Variants in EPHB1 observed in about 807,000 individuals in gnomAD.
EPHB1 encodes ephrin type-B receptor 1.
Under a neutral mutation model 94.4 loss-of-function variants are expected in EPHB1, and 30 were observed. The observed-to-expected ratio is 0.32, with a 90% CI of 0.24 to 0.43. EPHB1 has a LOEUF of 0.43. Ranked by LOEUF, EPHB1 falls within the 20% of genes least tolerant of loss-of-function variation. The pLI is 1.00. For synonymous variants in EPHB1, 522 were observed against 489.1 expected, an observed-to-expected ratio of 1.07 and a Z score of -0.89; for missense variants, 1,055 against 1,308.3, an observed-to-expected ratio of 0.81 and a Z score of 2.99.
At position 135,201,582 on chromosome 3, in the gene EPHB1, G is replaced by T. The variant is rs1942758193; in HGVS notation, c.2239G>T (p.Ala747Ser). Residue 747 changes from alanine to serine, a missense_variant, in exon 12 of 16, where the codon GCT becomes TCT. By Grantham distance (99) the Ala-to-Ser change is moderately conservative. Transcript: ENST00000398015. Reference sequence around the variant, plus strand: ...GAATTATGTGCATCGGGACCTGGCTGCTAGGAACATTCTGGTCAACAGTAA... The same window carrying T: ...GAATTATGTGCATCGGGACCTGGCTTCTAGGAACATTCTGGTCAACAGTAA... ...EMNYVHRDLA[A>S]RNILVNSNLV... 1 of 1,614,114 alleles carries T rather than the reference G, an allele frequency of 6.2e-7. No individual in the cohort carries two copies. Among genetic ancestry groups the T allele is most frequent in the Non-Finnish European group, 8.5e-7 (1 of 1,180,024 alleles).
At chr3:135,037,566 G>C (rs1936686685) in intron 3 of EPHB1, among the ~76,000 whole-genome samples, 1 of 152,174 alleles carries the variant, frequency 6.6e-6, no homozygotes, top group Non-Finnish European at 1.5e-5. Flanking sequence ...AGAGAGTTTA[G>C]GTGACTTGCC....
rs1300436772 is a variant in EPHB1 at position 134,869,769 on chromosome 3, T to G, written c.59-56047T>G. 2.6e-5 allele frequency among the ~76,000 whole-genome samples: 4 copies of G among 152,378 alleles called. No homozygotes were observed. The East Asian group carries it at 7.7e-4, about 29-fold the overall frequency. The stretch of plus-strand genomic sequence containing the variant: ...CAGTTTTTTTTTAGCAACTTGCATT[T>G]GTTGTGTCTTTCCAAAGCATTCAAT... On this transcript the variant is annotated intron_variant, in intron 1 of 15. Coordinates refer to ENST00000398015, the MANE Select transcript of EPHB1 (RefSeq NM_004441.5).
intron 3 of EPHB1, among the ~76,000 whole-genome samples, chr3:134,993,328 A>C (rs1394816620): frequency 6.6e-6 from 1 of 152,180 alleles, no homozygotes. Flanking sequence ...CAAACAGCAC[A>C]CTAATGGGGG....
At chr3:135,210,959 C>T (rs762539738) in intron 12 of EPHB1, among the ~76,000 whole-genome samples, 10 of 152,316 alleles carry the variant, frequency 6.6e-5, no homozygotes, top group South Asian at 4.1e-4. Flanking sequence ...CACAGAGACG[C>T]GGTGGTATTG....
chr3:134,810,532 C>T (rs990029853), intron 1 of EPHB1, among the ~76,000 whole-genome samples: 14 of 152,104 alleles, frequency 9.2e-5, no homozygotes, highest in Non-Finnish European at 1.6e-4. Flanking sequence ...TCCCACTTCA[C>T]GTTGTTATTA....
intron 5 of EPHB1, among the ~76,000 whole-genome samples, chr3:135,135,989 C>T (rs745440373): frequency 6.6e-6 from 1 of 152,136 alleles, no homozygotes; most frequent in Non-Finnish European, 1.5e-5. Flanking sequence ...TACACAATGA[C>T]TTGGGGATTA....
intron 3 of EPHB1, among the ~76,000 whole-genome samples, chr3:135,001,528 T>C (rs1935176661): frequency 6.6e-6 from 1 of 152,178 alleles, no homozygotes; most frequent in Non-Finnish European, 1.5e-5. Context: ...TTTGAGAAGG[T>C]AAAACATTCA....
intron 12 of EPHB1, among the ~76,000 whole-genome samples, chr3:135,219,210 G>A (rs927238164): frequency 2.0e-5 from 3 of 152,058 alleles, no homozygotes; most frequent in African/African-American, 7.2e-5. Context: ...GAGTGTGAAA[G>A]GTGTGTTAGC....
intron 12 of EPHB1, among the ~76,000 whole-genome samples, chr3:135,213,871 C>G (rs1340245343): frequency 2.0e-5 from 3 of 152,198 alleles, no homozygotes; most frequent in Non-Finnish European, 4.4e-5. Flanking sequence ...GCTGTCTCTC[C>G]AAGAAGCCTC....
At chr3:134,904,305 A>G (rs900443343) in intron 1 of EPHB1, among the ~76,000 whole-genome samples, 12 of 152,248 alleles carry the variant, frequency 7.9e-5, no homozygotes, top group Admixed American at 3.3e-4. Context: ...ATGAATGAGT[A>G]CAGTGAAACC....
At chr3:134,978,387 T>TA in intron 3 of EPHB1, among the ~76,000 whole-genome samples, 1 of 152,204 alleles carries the variant, frequency 6.6e-6, no homozygotes, top group Admixed American at 6.5e-5. Context: ...ATTACTCCCA[T>TA]AAAAAAGTCT....
At position 134,957,300 on chromosome 3, in the gene EPHB1, C is replaced by T. The variant is rs77337059; in HGVS notation, c.805+5248C>T. ...CCCAGCTCTAAGCAGCAGACCAGGACCATGTATGTGACTGGTGTCCAGAAG... is the reference window on the plus strand; with the variant it reads ...CCCAGCTCTAAGCAGCAGACCAGGATCATGTATGTGACTGGTGTCCAGAAG... On this transcript the variant is annotated intron_variant, in intron 3 of 15. Transcript: ENST00000398015. 2.3e-3 allele frequency among the ~76,000 whole-genome samples: 357 copies of T among 152,248 alleles called. 1 individual carries two copies. Among genetic ancestry groups the T allele is most frequent in the African/African-American group, 7.7e-3 (320 of 41,538 alleles).
chr3:135,097,491 C>T (rs151023294), intron 3 of EPHB1, among the ~76,000 whole-genome samples: 2,156 of 152,286 alleles, frequency 0.014, 19 homozygotes, highest in Middle Eastern at 0.041. Flanking sequence ...CTGTTTGTCA[C>T]CCTTCAGTCC....
intron 5 of EPHB1, among the ~76,000 whole-genome samples, chr3:135,138,915 C>T (rs571415870): frequency 2.6e-5 from 4 of 152,332 alleles, no homozygotes; most frequent in East Asian, 3.9e-4. Flanking sequence ...ATGTGTTCTC[C>T]GTTGAGCTCA....
intron 1 of EPHB1, among the ~76,000 whole-genome samples, chr3:134,877,973 TC>T (rs2037651886): frequency 6.6e-6 from 1 of 152,162 alleles, no homozygotes; most frequent in Admixed American, 6.5e-5. Context: ...TCCCACACAG[TC>T]CCTGGGAGCG....
chr3:134,889,207 G>A (rs2037917884), intron 1 of EPHB1, among the ~76,000 whole-genome samples: 1 of 152,180 alleles, frequency 6.6e-6, no homozygotes, highest in Non-Finnish European at 1.5e-5. Context: ...GATAAGGCGG[G>A]AAGGAAGAGA....
At chr3:135,117,591 G>A (rs543876417) in intron 4 of EPHB1, among the ~76,000 whole-genome samples, 1 of 152,350 alleles carries the variant, frequency 6.6e-6, no homozygotes, top group Admixed American at 6.5e-5. Context: ...CAAGAAGGGT[G>A]GCTTGTCTTC....
intron 3 of EPHB1, among the ~76,000 whole-genome samples, chr3:135,061,419 G>A (rs1937507384): frequency 8.1e-6 from 1 of 122,900 alleles, no homozygotes. Context: ...TTATGCTTTT[G>A]CATCCTCATG....
chr3:135,161,974 C>T lies in EPHB1; in HGVS notation c.1423-44C>T, dbSNP rs765939791. The T allele has an allele frequency of 3.2e-6, 5 of 1,566,166 alleles. No homozygotes were observed. In the Admixed American group the frequency reaches 8.9e-5, roughly 28 times the overall value. On this transcript the variant is annotated intron_variant, in intron 6 of 15. Coordinates refer to ENST00000398015, the MANE Select transcript of EPHB1 (RefSeq NM_004441.5). ...AGGGTGGAGTGGGCTGGGGGTGTAG[C>T]CTTCAGGAATGGGATAGTGACCCTT... is the stretch of plus-strand genomic sequence containing the variant.
Sources: gnomAD v4.1 joint callset for allele counts (sites outside exome capture counted in the v4.1 genomes callset) on GRCh38, gnomAD v4.1.1 for gene constraint, MANE v1.5 for transcripts, NCBI Gene and HGNC (gene_info 2026-07-23, HGNC 2026-07-21) for gene names.